LDLRAD4: variants seen among roughly 807,000 people sequenced by gnomAD.
LDLRAD4 encodes the protein low density lipoprotein receptor class A domain containing 4.
In LDLRAD4, 5 loss-of-function variants were observed where a neutral mutation model predicts 17.0. The ratio of observed to expected loss-of-function variants is 0.29; its 90% CI spans 0.15 to 0.62. The LOEUF is 0.62. Ranked by LOEUF, LDLRAD4 falls within the 20% of genes least tolerant of loss-of-function variation. LDLRAD4 has a pLI of 0.84. For synonymous variants in LDLRAD4, 168 were observed against 171.8 expected, an observed-to-expected ratio of 0.98 and a Z score of 0.17; for missense variants, 340 against 424.7, an observed-to-expected ratio of 0.80 and a Z score of 1.75.
At chr18:13,321,820 C>T (rs2081236395) in intron 1 of LDLRAD4, among the ~76,000 whole-genome samples, 1 of 124,028 alleles carries the variant, frequency 8.1e-6, no homozygotes, top group African/African-American at 3.0e-5. Flanking sequence ...GAGATCGCGC[C>T]ATTGCACTCC....
At chr18:13,593,896 G>A (rs2095059622) in intron 3 of LDLRAD4, among the ~76,000 whole-genome samples, 1 of 152,162 alleles carries the variant, frequency 6.6e-6, no homozygotes, top group African/African-American at 2.4e-5. Flanking sequence ...CTGGGCTCAA[G>A]CAATCCTCCC....
chr18:13,531,540 T>C (rs1212250579), intron 3 of LDLRAD4, among the ~76,000 whole-genome samples: 2 of 148,518 alleles, frequency 1.3e-5, no homozygotes, highest in Non-Finnish European at 3.0e-5. Context: ...CAGTGAGATA[T>C]GACCGCACCA....
intron 3 of LDLRAD4, among the ~76,000 whole-genome samples, chr18:13,499,683 A>G (rs55830108): frequency 0.19 from 27,107 of 140,206 alleles, 2,898 homozygotes; most frequent in Middle Eastern, 0.42. Flanking sequence ...ACGTCCTGCC[A>G]TGGACACCGG....
chr18:13,375,825 C>T (rs2084865694), intron 1 of LDLRAD4, among the ~76,000 whole-genome samples: 1 of 152,178 alleles, frequency 6.6e-6, no homozygotes, highest in South Asian at 2.1e-4. Flanking sequence ...TTTCCTCCCG[C>T]CCGCCAGCGC....
chr18:13,495,820 G>A (rs767201918), intron 3 of LDLRAD4, among the ~76,000 whole-genome samples: 2 of 152,164 alleles, frequency 1.3e-5, no homozygotes, highest in Non-Finnish European at 2.9e-5. Flanking sequence ...TGGATCATAC[G>A]GCAACGTCAC....
intron 3 of LDLRAD4, among the ~76,000 whole-genome samples, chr18:13,473,679 A>AT (rs2092854280): frequency 4.2e-4 from 11 of 26,040 alleles, no homozygotes; most frequent in Non-Finnish European, 7.5e-4. Context: ...ATATATATAT[A>AT]ACGTTTACAT....
At chr18:13,404,007 G>A (rs1024253582) in intron 2 of LDLRAD4, among the ~76,000 whole-genome samples, 1 of 152,230 alleles carries the variant, frequency 6.6e-6, no homozygotes, top group Non-Finnish European at 1.5e-5. Context: ...TGAACCGGGG[G>A]AGGCTGAGGC....
intron 2 of LDLRAD4, among the ~76,000 whole-genome samples, chr18:13,404,593 C>T (rs1446316928): frequency 3.3e-5 from 5 of 152,142 alleles, no homozygotes; most frequent in African/African-American, 9.6e-5. Context: ...GTCAGGAGAT[C>T]GAGACCATCC....
At chr18:13,620,263 A>G (rs1032557857) in intron 3 of LDLRAD4, among the ~76,000 whole-genome samples, 17 of 152,200 alleles carry the variant, frequency 1.1e-4, no homozygotes, top group Admixed American at 1.0e-3. Flanking sequence ...CCAGGGCAGC[A>G]CAGTTGATGG....
At chr18:13,493,313 CTTTCTT>C (rs2093397524) in intron 3 of LDLRAD4, among the ~76,000 whole-genome samples, 1 of 152,134 alleles carries the variant, frequency 6.6e-6, no homozygotes, top group Admixed American at 6.5e-5. Context: ...GTGAGTCTGT[CTTTCTT>C]TTTCTATTTT....
intron 1 of LDLRAD4, among the ~76,000 whole-genome samples, chr18:13,259,581 A>G (rs2043694936): frequency 6.6e-6 from 1 of 152,228 alleles, no homozygotes; most frequent in African/African-American, 2.4e-5. Flanking sequence ...ACATGCCTTC[A>G]AATGCTCATA....
intron 2 of LDLRAD4, among the ~76,000 whole-genome samples, chr18:13,416,695 A>G (rs55826319): frequency 0.59 from 90,289 of 152,074 alleles, 28,982 homozygotes; most frequent in Non-Finnish European, 0.73. Flanking sequence ...TTTCTTTGCT[A>G]TTTGCAAAAA....
intron 1 of LDLRAD4, among the ~76,000 whole-genome samples, chr18:13,258,281 C>T (rs1014193391): frequency 2.0e-5 from 3 of 152,250 alleles, no homozygotes; most frequent in African/African-American, 2.4e-5. Flanking sequence ...TCCATGCTTC[C>T]GTAGTATTTT....
chr18:13,451,747 T>C (rs1408939644), intron 3 of LDLRAD4, among the ~76,000 whole-genome samples: 1 of 152,158 alleles, frequency 6.6e-6, no homozygotes, highest in East Asian at 1.9e-4. Flanking sequence ...GGCTATGTGC[T>C]TACATGGCAG....
intron 3 of LDLRAD4, among the ~76,000 whole-genome samples, chr18:13,552,709 T>C (rs1159479973): frequency 2.0e-5 from 3 of 152,214 alleles, no homozygotes; most frequent in African/African-American, 7.2e-5. Flanking sequence ...CTTTAGATGA[T>C]GCTGTTCTAG....
intron 3 of LDLRAD4, among the ~76,000 whole-genome samples, chr18:13,502,293 G>C (rs1442821162): frequency 6.6e-6 from 1 of 152,212 alleles, no homozygotes; most frequent in Non-Finnish European, 1.5e-5. Context: ...ACTAGCCTCT[G>C]TGCTGGTCCT....
chr18:13,442,700 G>A (rs1251307906), intron 3 of LDLRAD4, among the ~76,000 whole-genome samples: 1 of 152,210 alleles, frequency 6.6e-6, no homozygotes, highest in Non-Finnish European at 1.5e-5. Context: ...CTGTGGTGCT[G>A]TGTTTCCAAA....
At chr18:13,544,220 G>C (rs1201818243) in intron 3 of LDLRAD4, among the ~76,000 whole-genome samples, 2 of 152,246 alleles carry the variant, frequency 1.3e-5, no homozygotes, top group South Asian at 2.1e-4. Context: ...CTGCCTCCGG[G>C]CTGTTTTCCT....
intron 2 of LDLRAD4, among the ~76,000 whole-genome samples, chr18:13,432,415 A>G (rs1044789929): frequency 3.9e-5 from 6 of 152,206 alleles, no homozygotes; most frequent in Non-Finnish European, 2.9e-5. Flanking sequence ...TTTTGATAAA[A>G]TTGGTGTCTA....
Sources: allele counts gnomAD v4.1 joint callset (sites outside exome capture counted in the v4.1 genomes callset), GRCh38; gene constraint gnomAD v4.1.1; transcripts MANE v1.5; gene names NCBI Gene and HGNC (gene_info 2026-07-23, HGNC 2026-07-21).